DOCK4: variants seen among roughly 807,000 people sequenced by gnomAD.
The protein encoded by DOCK4 is dedicator of cytokinesis 4.
DOCK4 carries 97 observed loss-of-function variants against 268.1 expected under a neutral mutation model. The observed-to-expected ratio is 0.36, with a 90% CI of 0.31 to 0.43. The LOEUF (loss-of-function observed/expected upper bound fraction) is 0.43. Among genes scored for constraint, DOCK4 ranks in the 20% least tolerant of loss-of-function variants. DOCK4 has a pLI of 1.00. For synonymous variants in DOCK4, 954 were observed against 887.2 expected (o/e 1.08, Z -1.34); for missense variants, 2,145 against 2,455.7 (o/e 0.87, Z 2.67).
At chr7:111,933,538 A>G (rs1451923869) in intron 12 of DOCK4, among the ~76,000 whole-genome samples, 1 of 151,470 alleles carries the variant, frequency 6.6e-6, no homozygotes, top group East Asian at 1.9e-4. Flanking sequence ...CTTGTGATCC[A>G]CCCGCCTTGG....
intron 16 of DOCK4, 33 bp from the exon 17 acceptor site, chr7:111,877,219 G>A: frequency 7.3e-7 from 1 of 1,369,024 alleles, no homozygotes; most frequent in Non-Finnish European, 9.5e-7. Flanking sequence ...CATAAGGGAA[G>A]GGGAAGAGAT....
chr7:112,110,271 A>T (rs1299130630), intron 1 of DOCK4, among the ~76,000 whole-genome samples: 1 of 152,226 alleles, frequency 6.6e-6, no homozygotes, highest in Non-Finnish European at 1.5e-5. Flanking sequence ...TGCAGAATTC[A>T]ATTTTGATTA....
intron 1 of DOCK4, among the ~76,000 whole-genome samples, chr7:112,162,917 A>C (rs578069714): frequency 6.6e-6 from 1 of 152,214 alleles, no homozygotes; most frequent in Non-Finnish European, 1.5e-5. Context: ...TCCAGTAAAT[A>C]GGCAGACACT....
At chr7:111,798,907 C>T (rs529531563) in intron 30 of DOCK4, among the ~76,000 whole-genome samples, 1 of 152,278 alleles carries the variant, frequency 6.6e-6, no homozygotes, top group Non-Finnish European at 1.5e-5. Context: ...TATAAAATAT[C>T]ACCAGAAAAT....
chr7:112,078,201 G>A (rs908162710), intron 1 of DOCK4, among the ~76,000 whole-genome samples: 2 of 152,034 alleles, frequency 1.3e-5, no homozygotes, highest in African/African-American at 4.8e-5. Flanking sequence ...TTAAATGTTA[G>A]AAGATGCTTA....
At chr7:112,165,559 T>TGTGTGTGC (rs59052406) in intron 1 of DOCK4, among the ~76,000 whole-genome samples, 1,785 of 148,230 alleles carry the variant, frequency 0.012, 13 homozygotes, top group East Asian at 0.027. Context: ...TGTGTGTGTG[T>TGTGTGTGC]GCGTGTGTGT....
At chr7:112,054,676 C>T (rs1009141881) in intron 1 of DOCK4, among the ~76,000 whole-genome samples, 26 of 152,000 alleles carry the variant, frequency 1.7e-4, no homozygotes, top group Admixed American at 1.5e-3. Context: ...CACCTATGCT[C>T]CCAAATCCTT....
chr7:111,952,838 CA>C (rs772866826), intron 8 of DOCK4, among the ~76,000 whole-genome samples: 1 of 152,154 alleles, frequency 6.6e-6, no homozygotes, highest in Non-Finnish European at 1.5e-5. Context: ...AAACAACTGT[CA>C]TTTTTTTTAT....
intron 8 of DOCK4, among the ~76,000 whole-genome samples, chr7:111,976,269 T>TATATATA (rs1491543011): frequency 6.0e-5 from 2 of 33,138 alleles, no homozygotes; most frequent in African/African-American, 1.2e-4. Context: ...TGTGTGTCTA[T>TATATATA]TATATATATA....
At position 112,154,950 on chromosome 7, in the gene DOCK4, C is replaced by T. The variant is rs568596080; in HGVS notation, c.37+51152G>A. Among the ~76,000 whole-genome samples the T allele has an allele frequency of 2.6e-5, 4 of 152,274 alleles. No homozygotes were observed. In the South Asian group the frequency reaches 8.3e-4, roughly 32 times the overall value. On this transcript the variant is annotated intron_variant, in intron 1 of 52. Transcript: ENST00000428084. ...AAAAGAGAGGATCAAGGAAACAACA[C>T]CATATTGACATATGCACAGCACACC... is the stretch of plus-strand genomic sequence containing the variant.
At chr7:111,821,282 T>C (rs570610072) in intron 27 of DOCK4, 1 of 152,164 alleles carries the variant, frequency 6.6e-6, no homozygotes, top group African/African-American at 2.4e-5. Flanking sequence ...GGCCTACAGA[T>C]AGATGCTTAG....
intron 1 of DOCK4, among the ~76,000 whole-genome samples, chr7:112,105,867 T>A (rs901880157): frequency 2.3e-4 from 35 of 152,038 alleles, no homozygotes; most frequent in Admixed American, 1.3e-3. Flanking sequence ...TTTGAAAAAA[T>A]TTTTGTAGAG....
At chr7:112,130,287 C>T (rs745639089) in intron 1 of DOCK4, among the ~76,000 whole-genome samples, 9 of 152,054 alleles carry the variant, frequency 5.9e-5, no homozygotes, top group Non-Finnish European at 1.3e-4. Context: ...GGTACCAGGT[C>T]CAAAAAGTCC....
chr7:111,772,225 A>G (rs1374257818), intron 36 of DOCK4, among the ~76,000 whole-genome samples: 1 of 152,070 alleles, frequency 6.6e-6, no homozygotes, highest in East Asian at 1.9e-4. Flanking sequence ...CCTTGGTAAC[A>G]CAGTGAGTCC....
At chr7:112,147,795 A>ATTTTT (rs553280609) in intron 1 of DOCK4, among the ~76,000 whole-genome samples, 9 of 102,890 alleles carry the variant, frequency 8.7e-5, no homozygotes, top group African/African-American at 1.9e-4. Context: ...GCAAACGTAG[A>ATTTTT]TTTTTTTTTT....
At chr7:111,930,587 A>G (rs1473199106) in intron 12 of DOCK4, among the ~76,000 whole-genome samples, 1 of 152,230 alleles carries the variant, frequency 6.6e-6, no homozygotes, top group Non-Finnish European at 1.5e-5. Flanking sequence ...GTTTGACTGC[A>G]CTGCTTCCAT....
At chr7:112,048,679 A>G (rs1287557541) in intron 1 of DOCK4, among the ~76,000 whole-genome samples, 2 of 151,842 alleles carry the variant, frequency 1.3e-5, no homozygotes, top group Non-Finnish European at 2.9e-5. Context: ...TCAAGAATCA[A>G]TTTCTGCAAG....
At chr7:111,973,800 G>T (rs989659655) in intron 8 of DOCK4, among the ~76,000 whole-genome samples, 11 of 151,926 alleles carry the variant, frequency 7.2e-5, no homozygotes, top group Admixed American at 6.6e-4. Flanking sequence ...GTTGATAGTT[G>T]TTGAAGCTGG....
intron 32 of DOCK4, among the ~76,000 whole-genome samples, chr7:111,785,384 C>G (rs1799095062): frequency 6.6e-6 from 1 of 152,298 alleles, no homozygotes; most frequent in Middle Eastern, 3.4e-3. Context: ...TGACAGCCTA[C>G]ACCTCATACT....
Sources: gnomAD v4.1 joint callset for allele counts (sites outside exome capture counted in the v4.1 genomes callset) on GRCh38, gnomAD v4.1.1 for gene constraint, MANE v1.5 for transcripts, NCBI Gene and HGNC (gene_info 2026-07-23, HGNC 2026-07-21) for gene names.